Variants in CFAP299 observed in about 807,000 individuals in gnomAD.
The protein encoded by CFAP299 is cilia- and flagella-associated protein 299.
Under a neutral mutation model 27.0 loss-of-function variants are expected in CFAP299, and 21 were observed. That is an observed-to-expected ratio of 0.78 (90% CI 0.55 to 1.12). The LOEUF is 1.12. CFAP299 is among the 50% of genes most tolerant of loss of function. The pLI is 0.00. For missense variants in CFAP299, 310 were observed against 276.6 expected (o/e 1.12, Z -0.86); for synonymous variants, 104 against 98.1 (o/e 1.06, Z -0.36).
intron 2 of CFAP299, among the ~76,000 whole-genome samples, chr4:80,403,201 C>T (rs1329343267): frequency 6.6e-6 from 1 of 152,138 alleles, no homozygotes; most frequent in Admixed American, 6.5e-5. Flanking sequence ...TAAAATTTTT[C>T]TCTGTGATTT....
chr4:80,326,894 T>C, the CFAP299 span, among the ~76,000 whole-genome samples: 1 of 152,238 alleles, frequency 6.6e-6, no homozygotes, highest in Non-Finnish European at 1.5e-5. Flanking sequence ...CAAATGATTG[T>C]TATAAAATTG....
At chr4:80,902,459 CAT>C (rs1291260433) in intron 4 of CFAP299, among the ~76,000 whole-genome samples, 2 of 114,328 alleles carry the variant, frequency 1.7e-5, no homozygotes, top group African/African-American at 1.0e-4. Context: ...TACATATATA[CAT>C]ATATGTATAT....
intron 3 of CFAP299, among the ~76,000 whole-genome samples, chr4:80,674,813 T>C (rs1326196238): frequency 1.3e-5 from 2 of 152,242 alleles, no homozygotes; most frequent in Admixed American, 1.3e-4. Context: ...CTTGATCGAA[T>C]CGGCTATTGA....
chr4:80,863,228 G>T, intron 3 of CFAP299, among the ~76,000 whole-genome samples: 1 of 143,832 alleles, frequency 7.0e-6, no homozygotes. Flanking sequence ...AAGTGACTTT[G>T]GCTTCACTGT....
intron 3 of CFAP299, among the ~76,000 whole-genome samples, chr4:80,588,172 A>G (rs1736543811): frequency 6.6e-6 from 1 of 151,038 alleles, no homozygotes; most frequent in Admixed American, 6.6e-5. Flanking sequence ...CTCTCCATCA[A>G]TTAATCATCA....
intron 3 of CFAP299, among the ~76,000 whole-genome samples, chr4:80,799,802 A>T (rs1166655618): frequency 3.5e-5 from 1 of 28,566 alleles, no homozygotes; most frequent in Non-Finnish European, 4.9e-5. Flanking sequence ...TATATTATAT[A>T]ATATATAAAT....
intron 2 of CFAP299, among the ~76,000 whole-genome samples, chr4:80,390,920 CATATGTATATATGTATATATGTATGT>C (rs1725425951): frequency 6.3e-5 from 7 of 111,632 alleles, no homozygotes; most frequent in Non-Finnish European, 1.3e-4. Flanking sequence ...TATATACACA[CATATGTATATATGTATATATGTATGT>C]ACACACATGT....
intron 3 of CFAP299, among the ~76,000 whole-genome samples, chr4:80,851,830 T>C (rs1006130832): frequency 1.3e-5 from 2 of 152,132 alleles, no homozygotes; most frequent in African/African-American, 4.8e-5. Context: ...CTCTGGCACA[T>C]TGTTATGTTG....
chr4:80,814,719 TA>T lies in CFAP299; in HGVS notation c.334-55263del, dbSNP rs530353597. On this transcript the variant is annotated intron_variant, in intron 3 of 5. Transcript: ENST00000358105. ...TAAAGGTATAAAAATCTTTATGTCT[TA>T]AAAAAAAAAAGTTTGGCTGAGAAAA... Among the ~76,000 whole-genome samples, 141 of 146,076 alleles carry T rather than the reference TA, an allele frequency of 9.7e-4. 2 individuals carry two copies. The South Asian group carries it at 0.012, about 13-fold the overall frequency.
At chr4:80,569,033 G>A (rs891782284) in intron 2 of CFAP299, among the ~76,000 whole-genome samples, 2 of 152,122 alleles carry the variant, frequency 1.3e-5, no homozygotes, top group Admixed American at 1.3e-4. Flanking sequence ...CAGGTAGCCA[G>A]CCAGCTAAGG....
At chr4:80,500,544 A>G (rs917054225) in intron 2 of CFAP299, among the ~76,000 whole-genome samples, 3 of 152,182 alleles carry the variant, frequency 2.0e-5, no homozygotes, top group Non-Finnish European at 4.4e-5. Flanking sequence ...CTGGTTCAAA[A>G]TAATCTTTTC....
At chr4:80,635,418 C>A (rs532455613) in intron 3 of CFAP299, among the ~76,000 whole-genome samples, 7 of 152,278 alleles carry the variant, frequency 4.6e-5, no homozygotes, top group Non-Finnish European at 7.4e-5. Context: ...CTTGCTATAG[C>A]TGTCTTATAA....
intron 2 of CFAP299, among the ~76,000 whole-genome samples, chr4:80,478,644 T>C (rs920600779): frequency 6.6e-6 from 1 of 152,290 alleles, no homozygotes; most frequent in South Asian, 2.1e-4. Flanking sequence ...ACCATTTTGC[T>C]TCTGCACATA....
intron 3 of CFAP299, among the ~76,000 whole-genome samples, chr4:80,707,808 T>C (rs540483262): frequency 3.9e-5 from 6 of 152,210 alleles, no homozygotes; most frequent in African/African-American, 1.4e-4. Context: ...TAATTATCTG[T>C]GTAGCAAACA....
At chr4:80,414,157 G>C (rs1049639687) in intron 2 of CFAP299, among the ~76,000 whole-genome samples, 1 of 140,436 alleles carries the variant, frequency 7.1e-6, no homozygotes, top group East Asian at 2.1e-4. Context: ...TGCAAGCTCC[G>C]CCTCCCGGGT....
chr4:80,488,679 T>G (rs1338324460), intron 2 of CFAP299, among the ~76,000 whole-genome samples: 6 of 152,172 alleles, frequency 3.9e-5, no homozygotes, highest in Non-Finnish European at 8.8e-5. Flanking sequence ...GGTTTCACCG[T>G]GTTAGCCAGG....
At chr4:80,625,179 C>T (rs1190297361) in intron 3 of CFAP299, among the ~76,000 whole-genome samples, 1 of 151,966 alleles carries the variant, frequency 6.6e-6, no homozygotes, top group African/African-American at 2.4e-5. Flanking sequence ...ACCAAAATAA[C>T]TTATTGAGGG....
chr4:80,806,307 T>G (rs1426486236), intron 3 of CFAP299, among the ~76,000 whole-genome samples: 2 of 152,206 alleles, frequency 1.3e-5, no homozygotes, highest in Admixed American at 1.3e-4. Flanking sequence ...TAAATTCATG[T>G]TACCAAACAT....
chr4:80,384,682 G>A lies in CFAP299; in HGVS notation c.242+21798G>A, dbSNP rs1183438860. On this transcript the variant is annotated intron_variant, in intron 2 of 5. Coordinates refer to ENST00000358105, the MANE Select transcript of CFAP299 (RefSeq NM_152770.3). ...TTGAAGGAAGGAAGGAAATTGTTCC[G>A]AAAAATTAGTACATGAACCAAGAAT... Among the ~76,000 whole-genome samples, 11 of 152,154 alleles carry A rather than the reference G, an allele frequency of 7.2e-5. 1 individual carries two copies. In the South Asian group the frequency reaches 1.9e-3, roughly 26 times the overall value.
Sources: gnomAD v4.1 joint callset for allele counts (sites outside exome capture counted in the v4.1 genomes callset) on GRCh38, gnomAD v4.1.1 for gene constraint, MANE v1.5 for transcripts, NCBI Gene and HGNC (gene_info 2026-07-23, HGNC 2026-07-21) for gene names.